Variants in CNTN5 observed in about 807,000 individuals in gnomAD.
CNTN5 encodes contactin 5.
Under a neutral mutation model 129.1 loss-of-function variants are expected in CNTN5, and 77 were observed. The ratio of observed to expected loss-of-function variants is 0.60; its 90% CI spans 0.50 to 0.72. CNTN5 has a LOEUF of 0.72. Among genes scored for constraint, CNTN5 ranks in the 30% least tolerant of loss-of-function variants. The pLI, the probability that CNTN5 is intolerant of heterozygous loss-of-function variation, is 0.00. For synonymous variants in CNTN5, 509 were observed against 465.6 expected (o/e 1.09, Z -1.20); for missense variants, 1,478 against 1,328.8 (o/e 1.11, Z -1.75).
At chr11:99,987,297 A>G (rs562106084) in intron 8 of CNTN5, among the ~76,000 whole-genome samples, 13 of 151,546 alleles carry the variant, frequency 8.6e-5, no homozygotes, top group Non-Finnish European at 1.6e-4. Flanking sequence ...GTGAAAACAG[A>G]TATGGAACAA....
intron 21 of CNTN5, among the ~76,000 whole-genome samples, chr11:100,334,787 A>T (rs1480891348): frequency 6.6e-6 from 1 of 152,086 alleles, no homozygotes; most frequent in Non-Finnish European, 1.5e-5. Context: ...AGGAATGGTA[A>T]TGGGTGGCAA....
chr11:99,029,233 T>A (rs878883216), intron 1 of CNTN5, among the ~76,000 whole-genome samples: 5 of 151,500 alleles, frequency 3.3e-5, no homozygotes, highest in African/African-American at 4.9e-5. Context: ...ATTTTTTTTT[T>A]AATGAGACAC....
chr11:99,816,869 T>C (rs1311432982), intron 3 of CNTN5, among the ~76,000 whole-genome samples: 2 of 152,168 alleles, frequency 1.3e-5, no homozygotes, highest in African/African-American at 4.8e-5. Context: ...CCATGGTGCC[T>C]TTACTTTCAA....
intron 1 of CNTN5, among the ~76,000 whole-genome samples, chr11:99,321,915 C>G (rs1420728520): frequency 1.3e-5 from 2 of 152,112 alleles, no homozygotes; most frequent in Non-Finnish European, 2.9e-5. Flanking sequence ...TGTGCTTATA[C>G]TACAATGTGC....
intron 2 of CNTN5, among the ~76,000 whole-genome samples, chr11:99,429,756 A>AT (rs1943285383): frequency 6.6e-6 from 1 of 152,066 alleles, no homozygotes; most frequent in South Asian, 2.1e-4. Context: ...GCCATATAAT[A>AT]TTTTTACAGT....
At chr11:99,387,625 T>C (rs1940992647) in intron 2 of CNTN5, among the ~76,000 whole-genome samples, 1 of 151,776 alleles carries the variant, frequency 6.6e-6, no homozygotes, top group African/African-American at 2.4e-5. Flanking sequence ...AAATACCCTT[T>C]CCCTAACCAA....
chr11:100,000,742 A>G (rs887394826), intron 8 of CNTN5, among the ~76,000 whole-genome samples: 2 of 152,210 alleles, frequency 1.3e-5, no homozygotes, highest in African/African-American at 2.4e-5. Flanking sequence ...CTGCCTGGAC[A>G]TCTAGGTGTT....
chr11:99,936,129 A>G (rs1565695618), intron 7 of CNTN5, among the ~76,000 whole-genome samples: 2 of 152,304 alleles, frequency 1.3e-5, no homozygotes, highest in South Asian at 2.1e-4. Context: ...TCTCTCTTCA[A>G]TGTTTATAAG....
intron 2 of CNTN5, among the ~76,000 whole-genome samples, chr11:99,328,870 CAAAAAAA>C (rs10542347): frequency 1.1e-5 from 1 of 87,652 alleles, no homozygotes; most frequent in Non-Finnish European, 2.2e-5. Flanking sequence ...AACTCCATCT[CAAAAAAA>C]AAAAAAAAAA....
chr11:99,071,092 T>A (rs115069046), intron 1 of CNTN5, among the ~76,000 whole-genome samples: 3,116 of 152,202 alleles, frequency 0.02, 76 homozygotes, highest in African/African-American at 0.056. Context: ...TCAGGCACTT[T>A]GCTAGGATCA....
intron 24 of CNTN5, among the ~76,000 whole-genome samples, chr11:100,352,695 G>A (rs1952443944): frequency 6.6e-6 from 1 of 151,624 alleles, no homozygotes; most frequent in Non-Finnish European, 1.5e-5. Context: ...TTTTATTGTG[G>A]TCACACAAAA....
chr11:99,625,280 T>C (rs1237831477), intron 3 of CNTN5, among the ~76,000 whole-genome samples: 1 of 152,164 alleles, frequency 6.6e-6, no homozygotes, highest in African/African-American at 2.4e-5. Context: ...GTGGGTGCTA[T>C]GAGTGAGCAA....
intron 2 of CNTN5, among the ~76,000 whole-genome samples, chr11:99,501,329 C>A (rs546784269): frequency 4.6e-5 from 7 of 152,002 alleles, no homozygotes; most frequent in Non-Finnish European, 5.9e-5. Context: ...CCAGGTCAAG[C>A]CAATTATGAA....
At chr11:99,659,779 T>C (rs1157538245) in intron 3 of CNTN5, among the ~76,000 whole-genome samples, 1 of 152,188 alleles carries the variant, frequency 6.6e-6, no homozygotes, top group Non-Finnish European at 1.5e-5. Context: ...GATCCTAATG[T>C]TAATCTCTTC....
chr11:99,398,454 A>G (rs1215877142), intron 2 of CNTN5, among the ~76,000 whole-genome samples: 1 of 151,922 alleles, frequency 6.6e-6, no homozygotes, highest in Non-Finnish European at 1.5e-5. Flanking sequence ...TTTTGTATTC[A>G]TCATTACTGT....
rs549475915 is a variant in CNTN5 at position 100,003,459 on chromosome 11, C to G, written c.980+1323C>G. Among the ~76,000 whole-genome samples the G allele has an allele frequency of 2.9e-4, 44 of 152,182 alleles. 1 individual carries two copies. The highest frequency in any genetic ancestry group is 1.1e-3 in the African/African-American group (44 of 41,540). ...CTGACAAATGCAAAAATAATATATT[C>G]TGGCTTGAAGACAAGGGTTTTAGTG... On this transcript the variant is annotated intron_variant, in intron 9 of 24. Transcript: ENST00000524871.
At chr11:99,249,253 T>A (rs1338502948) in intron 1 of CNTN5, among the ~76,000 whole-genome samples, 6 of 152,152 alleles carry the variant, frequency 3.9e-5, no homozygotes, top group African/African-American at 1.4e-4. Context: ...TCACTCATGA[T>A]TTGGCTCTCT....
Position 100,357,950 on chromosome 11 carries a change from G to A in CNTN5, c.*1730G>A, listed in dbSNP as rs1343948345. 2.6e-5 allele frequency: 4 copies of A among 151,830 alleles called. No individual in the cohort carries two copies. Among genetic ancestry groups the A allele is most frequent in the Non-Finnish European group, 5.9e-5 (4 of 67,838 alleles). 9.4% of individuals were successfully genotyped at this position (151,830 alleles called of 1,614,324 possible). A position where few individuals can be genotyped will look rare whatever the true frequency, so the allele number is the denominator to read the frequency against. On this transcript the variant is annotated 3_prime_UTR_variant, in exon 25 of 25. Coordinates refer to ENST00000524871, the MANE Select transcript of CNTN5 (RefSeq NM_014361.4). Reference sequence around the variant, plus strand: ...CAATGATATTATAGTAAATACTACAGATGGTAAGTATTTAAGCCTGTAAGT... The same window carrying A: ...CAATGATATTATAGTAAATACTACAAATGGTAAGTATTTAAGCCTGTAAGT...
At chr11:99,371,442 G>A (rs539364713) in intron 2 of CNTN5, among the ~76,000 whole-genome samples, 1 of 152,130 alleles carries the variant, frequency 6.6e-6, no homozygotes, top group East Asian at 1.9e-4. Context: ...TTTGAGTAAT[G>A]ACTCATAGTA....
Sources: allele counts gnomAD v4.1 joint callset (sites outside exome capture counted in the v4.1 genomes callset), GRCh38; gene constraint gnomAD v4.1.1; transcripts MANE v1.5; gene names NCBI Gene and HGNC (gene_info 2026-07-23, HGNC 2026-07-21).